CLVS1: variants seen among roughly 807,000 people sequenced by gnomAD.
The protein encoded by CLVS1 is clavesin 1, also known as clavesin-1.
Under a neutral mutation model 33.1 loss-of-function variants are expected in CLVS1, and 10 were observed. The observed-to-expected ratio is 0.30, with a 90% CI of 0.19 to 0.51. CLVS1 has a LOEUF of 0.51. Among genes scored for constraint, CLVS1 ranks in the 20% least tolerant of loss-of-function variants. The pLI is 0.97. For missense variants in CLVS1, 343 were observed against 433.4 expected (o/e 0.79, Z 1.85); for synonymous variants, 163 against 166.1 (o/e 0.98, Z 0.14).
intron 2 of CLVS1, among the ~76,000 whole-genome samples, chr8:61,159,584 TC>T (rs1482018526): frequency 6.6e-6 from 1 of 152,346 alleles, no homozygotes; most frequent in East Asian, 1.9e-4. Context: ...TTCCTCAGCC[TC>T]CTGAGCTATC....
intron 1 of CLVS1, among the ~76,000 whole-genome samples, chr8:61,058,662 TCAAA>T (rs1211026061): frequency 6.6e-6 from 1 of 152,350 alleles, no homozygotes; most frequent in East Asian, 1.9e-4. Context: ...ATTCATCATT[TCAAA>T]CAGTTTTCTC....
At chr8:61,416,301 GCTAGATACATACATAC>G (rs1216645718) in intron 3 of CLVS1, among the ~76,000 whole-genome samples, 273 of 137,196 alleles carry the variant, frequency 2.0e-3, no homozygotes, top group African/African-American at 5.8e-3. Context: ...TAGCTAGCTA[GCTAGATACATACATAC>G]ATACATACAT....
At chr8:61,470,378 A>C (rs2129607700) in intron 5 of CLVS1, among the ~76,000 whole-genome samples, 1 of 152,380 alleles carries the variant, frequency 6.6e-6, no homozygotes, top group African/African-American at 2.4e-5. Flanking sequence ...CAAAAGAAAT[A>C]GAGTTGAATT....
At chr8:61,089,835 T>C (rs115414214) in intron 1 of CLVS1, among the ~76,000 whole-genome samples, 2,769 of 152,214 alleles carry the variant, frequency 0.018, 86 homozygotes, top group African/African-American at 0.063. Flanking sequence ...GGCAGGAGGG[T>C]TGCTCGAGCC....
the CLVS1 span, among the ~76,000 whole-genome samples, chr8:61,049,647 A>G: frequency 6.6e-6 from 1 of 152,220 alleles, no homozygotes; most frequent in Non-Finnish European, 1.5e-5. Flanking sequence ...TAGAAGCCCC[A>G]AAGACACATA....
At chr8:61,494,845 T>C (rs1339566053) in intron 5 of CLVS1, among the ~76,000 whole-genome samples, 1 of 152,258 alleles carries the variant, frequency 6.6e-6, no homozygotes, top group Admixed American at 6.5e-5. Context: ...GTGCTACTTA[T>C]ATCAAATGTT....
At chr8:61,263,599 C>T (rs571250201) in intron 2 of CLVS1, among the ~76,000 whole-genome samples, 2 of 152,228 alleles carry the variant, frequency 1.3e-5, no homozygotes, top group South Asian at 2.1e-4. Context: ...ATTTGCATTT[C>T]TACTTTTTCT....
chr8:61,363,594 T>G (rs546813457), intron 2 of CLVS1, among the ~76,000 whole-genome samples: 111 of 152,300 alleles, frequency 7.3e-4, no homozygotes, highest in Non-Finnish European at 1.1e-3. Flanking sequence ...TAGAGCAAAA[T>G]TAACTCTCCA....
intron 1 of CLVS1, among the ~76,000 whole-genome samples, chr8:61,078,158 C>G (rs905549118): frequency 2.0e-5 from 3 of 152,192 alleles, no homozygotes; most frequent in African/African-American, 7.2e-5. Flanking sequence ...GCGCATGAGG[C>G]AGCTGATAAA....
intron 1 of CLVS1, among the ~76,000 whole-genome samples, chr8:61,091,329 G>A (rs573602755): frequency 7.9e-5 from 12 of 152,298 alleles, no homozygotes; most frequent in Non-Finnish European, 1.5e-4. Flanking sequence ...TAGCCATAGA[G>A]GACTCATTTT....
chr8:60,980,676 TG>T, the CLVS1 span, among the ~76,000 whole-genome samples: 1 of 152,060 alleles, frequency 6.6e-6, no homozygotes, highest in Non-Finnish European at 1.5e-5. Flanking sequence ...TCCCTGCTAC[TG>T]GGGAGGCTGA....
intron 2 of CLVS1, among the ~76,000 whole-genome samples, chr8:61,198,283 A>G (rs1168169158): frequency 1.3e-5 from 2 of 152,316 alleles, no homozygotes; most frequent in Non-Finnish European, 2.9e-5. Flanking sequence ...CTTTAGGGGT[A>G]TAAGTGGTTT....
rs1240728909 is a variant in CLVS1 at position 61,376,990 on chromosome 8, C to T, written c.630+211C>T. On this transcript the variant is annotated intron_variant, in intron 3 of 5. Coordinates refer to ENST00000325897, the MANE Select transcript of CLVS1 (RefSeq NM_173519.3). ...CATTAATAACTCCAAATTACTGTTA[C>T]CCCAGGCACAAATTATCCTCTGTAG... The T allele has an allele frequency of 8.2e-6, 4 of 490,564 alleles. No individual in the cohort carries two copies. The East Asian group carries it at 1.3e-4, about 16-fold the overall frequency. The allele number at this position is 490,564 out of a possible 1,614,324, so 30.4% of individuals were successfully genotyped here. A position where few individuals can be genotyped will look rare whatever the true frequency, so the allele number is the denominator to read the frequency against.
intron 3 of CLVS1, among the ~76,000 whole-genome samples, chr8:61,379,251 T>TGCTTTC (rs1813769362): frequency 6.6e-6 from 1 of 152,166 alleles, no homozygotes; most frequent in East Asian, 1.9e-4. Flanking sequence ...AAATAAGCAG[T>TGCTTTC]CCAATTTGGT....
At chr8:60,995,291 C>T in the CLVS1 span, among the ~76,000 whole-genome samples, 1 of 151,862 alleles carries the variant, frequency 6.6e-6, no homozygotes, top group Non-Finnish European at 1.5e-5. Flanking sequence ...CCAGAATCTA[C>T]AATGAACTCA....
rs1262946064 is a variant in CLVS1 at position 61,376,615 on chromosome 8, A to G, written c.466A>G (p.Thr156Ala). Residue 156 changes from threonine (T) to alanine (A), a missense_variant, in exon 3 of 6, where the codon ACA becomes GCA. Transcript: ENST00000325897. ...ANWDQSRNSF[T>A]DILRAILLSL... ...CTGCTCTGGCTGCAGGAACTCCTTC[A>G]CAGACATCCTTCGTGCCATCCTGCT... The G allele has an allele frequency of 6.2e-7, 1 of 1,613,876 alleles. No individual in the cohort carries two copies. Among genetic ancestry groups the G allele is most frequent in the African/African-American group, 1.3e-5 (1 of 75,038 alleles).
At chr8:61,299,586 T>C in intron 1 of CLVS1, 91 bp from the exon 2 acceptor site, 1 of 507,430 alleles carries the variant, frequency 2.0e-6, no homozygotes. Flanking sequence ...CAGCCTAATA[T>C]ACTGTTTTTC....
chr8:61,033,161 A>AAGAAAAAG, the CLVS1 span, among the ~76,000 whole-genome samples: 9,693 of 91,826 alleles, frequency 0.11, 1,709 homozygotes, highest in Non-Finnish European at 0.12. Flanking sequence ...GAAAGAAAGA[A>AAGAAAAAG]AAAGAAAGAA....
chr8:61,254,915 G>A (rs190131591), intron 2 of CLVS1, among the ~76,000 whole-genome samples: 2 of 152,294 alleles, frequency 1.3e-5, no homozygotes, highest in East Asian at 3.9e-4. Flanking sequence ...TTGGTGCACT[G>A]CACCCACTCT....
Sources: gnomAD v4.1 joint callset for allele counts (sites outside exome capture counted in the v4.1 genomes callset) on GRCh38, gnomAD v4.1.1 for gene constraint, MANE v1.5 for transcripts, NCBI Gene and HGNC (gene_info 2026-07-23, HGNC 2026-07-21) for gene names.